The following TP53I13 variants were observed in gnomAD, a reference collection of about 807,000 sequenced individuals.
TP53I13 encodes the protein tumor protein p53 inducible protein 13, also known as tumor protein p53-inducible protein 13.
TP53I13 carries 27 observed loss-of-function variants against 39.1 expected under a neutral mutation model. That is an observed-to-expected ratio of 0.69 (90% CI 0.51 to 0.95). TP53I13 has a LOEUF of 0.95. Ranked by LOEUF, TP53I13 falls within the 40% of genes least tolerant of loss-of-function variation. The pLI is 0.00. For missense variants in TP53I13, 544 were observed against 520.4 expected, an observed-to-expected ratio of 1.05 and a Z score of -0.44; for synonymous variants, 230 against 224.6, an observed-to-expected ratio of 1.02 and a Z score of -0.22.
downstream of TP53I13, chr17:29,575,991 C>T (rs1048877510): frequency 2.1e-5 from 33 of 1,555,900 alleles, no homozygotes; most frequent in East Asian, 7.2e-4. This position sits in a 1 kb window ranked among gnomAD's most constrained non-coding sequence, Gnocchi z 5.5. Flanking sequence ...GTCTAATCAT[C>T]TTAAGCCCCG....
At position 29,573,157 on chromosome 17, in the gene TP53I13, A is replaced by C; in HGVS notation, c.*233A>C. 5.0e-6 allele frequency: 2 copies of C among 398,390 alleles called. No homozygotes were observed. The highest frequency in any genetic ancestry group is 8.8e-6 in the Non-Finnish European group (2 of 226,032). The allele number at this position is 398,390 out of a possible 1,614,324, so 24.7% of individuals were successfully genotyped here. A position where few individuals can be genotyped will look rare whatever the true frequency, so the allele number is the denominator to read the frequency against. ...TTTCTAATTAAATTATTTTTAGTAG[A>C]CTCTGGAGTTGAGCTTGTGCATCTG... On this transcript the variant is annotated 3_prime_UTR_variant, in exon 7 of 7. Coordinates refer to ENST00000301057, the MANE Select transcript of TP53I13 (RefSeq NM_138349.4).
the TP53I13 span, chr17:29,581,278 G>A: frequency 7.6e-7 from 1 of 1,307,608 alleles, no homozygotes; most frequent in South Asian, 1.2e-5. The surrounding 1 kb of genome is among the most constrained non-coding windows in gnomAD (Gnocchi z 4.8). Flanking sequence ...GAGCTCTGGG[G>A]GTCAGCCACC....
chr17:29,575,070 C>A (rs1289549720), downstream of TP53I13: 1 of 1,586,186 alleles, frequency 6.3e-7, no homozygotes, highest in Non-Finnish European at 8.6e-7. The surrounding 1 kb of genome is among the most constrained non-coding windows in gnomAD (Gnocchi z 5.5). Flanking sequence ...CTCTCTTTGG[C>A]CCCTGTACCT....
chr17:29,572,452 A>C lies in TP53I13; in HGVS notation c.824A>C (p.Gln275Pro). Residue 275 changes from glutamine to proline, a missense_variant, in exon 6 of 7, where the codon CAA becomes CCA. By Grantham distance (76) the Gln-to-Pro change is moderately conservative. Coordinates refer to ENST00000301057, the MANE Select transcript of TP53I13 (RefSeq NM_138349.4). ...ACAGAGGCTCAGGTGCCCAACGGGC[A>C]AGGCAGCCCAGGGGGCTGTGTCTGT... ...SRTEAQVPNG[Q>P]GSPGGCVCSS... is the part of the protein sequence containing the mutation. 2 of 1,578,306 alleles carry C rather than the reference A, an allele frequency of 1.3e-6. No homozygotes were observed. The highest frequency in any genetic ancestry group is 1.7e-6 in the Non-Finnish European group (2 of 1,159,534).
intron 3 of TP53I13, 36 bp downstream of exon 3, chr17:29,569,395 C>A: frequency 6.2e-7 from 1 of 1,609,252 alleles, no homozygotes; most frequent in Non-Finnish European, 8.5e-7. Flanking sequence ...CCTTGGTGTC[C>A]ACGCCTGGAG....
At position 29,571,620 on chromosome 17, in the gene TP53I13, C is replaced by A. The variant is rs1197238858; in HGVS notation, c.213C>A (p.Pro71=). ...AGGATGTCACCTTCCTCTACCACCCCTGTGCCCATCCCTGGCTGAAGCTCC... is the reference window on the plus strand; with the variant it reads ...AGGATGTCACCTTCCTCTACCACCCATGTGCCCATCCCTGGCTGAAGCTCC... The part of the protein sequence containing the change: ...QAEDVTFLYH[P]CAHPWLKLQL... The change falls in exon 4 of 7, where the codon CCC becomes CCA. Residue 71 remains proline, a synonymous_variant. Transcript: ENST00000301057. 2 of 1,614,128 alleles carry A rather than the reference C, an allele frequency of 1.2e-6. No homozygotes were observed.
At chr17:29,575,482 GTC>G, downstream of TP53I13, 2 of 1,595,480 alleles carry the variant, frequency 1.3e-6, no homozygotes, top group Non-Finnish European at 1.7e-6. The surrounding 1 kb of genome is among the most constrained non-coding windows in gnomAD (Gnocchi z 5.5). Context: ...TGAGGCCCAG[GTC>G]CAGAAAACAG....
At chr17:29,576,125 C>G (rs1402258592), downstream of TP53I13, 4 of 1,613,704 alleles carry the variant, frequency 2.5e-6, no homozygotes, top group Middle Eastern at 1.6e-4. Context: ...GCGTCGTCCT[C>G]TAGCTCCTGG....
chr17:29,575,916 G>A (rs750544170), downstream of TP53I13: 6 of 1,591,224 alleles, frequency 3.8e-6, no homozygotes, highest in South Asian at 2.2e-5. This position sits in a 1 kb window ranked among gnomAD's most constrained non-coding sequence, Gnocchi z 5.5. Context: ...CCAGGGCAGC[G>A]CTGGATGGAG....
At chr17:29,578,767 G>A in the TP53I13 span, 13 of 1,613,942 alleles carry the variant, frequency 8.1e-6, no homozygotes, top group Admixed American at 6.7e-5. Flanking sequence ...TGGCCAATTC[G>A]GATAAGTCAA....
At position 29,570,504 on chromosome 17, in the gene TP53I13, C is replaced by CA. The variant is rs766480431; in HGVS notation, c.184-1072dup. 906 of 134,188 alleles carry CA rather than the reference C, an allele frequency of 6.8e-3. 1 individual carries two copies. The highest frequency in any genetic ancestry group is 7.5e-3 in the African/African-American group (271 of 36,206). 8.3% of individuals were successfully genotyped at this position (134,188 alleles called of 1,614,324 possible). A position where few individuals can be genotyped will look rare whatever the true frequency, so the allele number is the denominator to read the frequency against. On this transcript the variant is annotated intron_variant, in intron 3 of 6. Transcript: ENST00000301057. Reference sequence around the variant, plus strand: ...GCCTGGCGACAGAGCGAGACTGTCTCAAAAAAAAAAAAAAATTCTCTGTAA... The same window carrying CA: ...GCCTGGCGACAGAGCGAGACTGTCTCAAAAAAAAAAAAAAAATTCTCTGTAA...
the TP53I13 span, among the ~76,000 whole-genome samples, chr17:29,579,577 C>T: frequency 6.6e-6 from 1 of 152,090 alleles, no homozygotes; most frequent in Non-Finnish European, 1.5e-5. Context: ...GATACAAAAG[C>T]AATTTAAAAA....
chr17:29,575,858 G>A, downstream of TP53I13: 1 of 1,612,168 alleles, frequency 6.2e-7, no homozygotes, highest in African/African-American at 1.3e-5. The surrounding 1 kb of genome is among the most constrained non-coding windows in gnomAD (Gnocchi z 5.5). Flanking sequence ...CGGGGAGGAG[G>A]GAGTGAAGGG....
chr17:29,576,266 G>T (rs759160468), downstream of TP53I13: 4 of 1,610,524 alleles, frequency 2.5e-6, no homozygotes, highest in Middle Eastern at 1.7e-4. Flanking sequence ...GTCCCCAGGG[G>T]GGCCCCCAAA....
chr17:29,572,516 T>C lies in TP53I13; in HGVS notation c.888T>C (p.Pro296=). The C allele has an allele frequency of 6.2e-7, 1 of 1,605,828 alleles. No homozygotes were observed. The highest frequency in any genetic ancestry group is 8.5e-7 in the Non-Finnish European group (1 of 1,176,734). Residue 296 remains proline, a synonymous_variant, in exon 6 of 7, where the codon CCT becomes CCC. Coordinates refer to ENST00000301057, the MANE Select transcript of TP53I13 (RefSeq NM_138349.4). The stretch of plus-strand genomic sequence containing the variant: ...CCCCGGCCCCTCGCGCAGCAGCGCC[T>C]CCACGGGCAGCCCGGGGCCCCACCC... ...QASPAPRAAA[P]PRAARGPTPR...
downstream of TP53I13, chr17:29,575,372 G>C: frequency 6.2e-7 from 1 of 1,613,590 alleles, no homozygotes; most frequent in East Asian, 2.2e-5. This position sits in a 1 kb window ranked among gnomAD's most constrained non-coding sequence, Gnocchi z 5.5. Context: ...GACATCCTCT[G>C]TGCTGGGAAG....
chr17:29,577,066 G>A, downstream of TP53I13: 1 of 1,606,224 alleles, frequency 6.2e-7, no homozygotes, highest in Non-Finnish European at 8.5e-7. Context: ...ACCACTGGCA[G>A]GGAGAGCCAT....
chr17:29,579,778 C>T, the TP53I13 span, among the ~76,000 whole-genome samples: 6 of 152,282 alleles, frequency 3.9e-5, no homozygotes, highest in Admixed American at 3.9e-4. Flanking sequence ...ATCCTCTCCT[C>T]CCTGAAAAAT....
downstream of TP53I13, chr17:29,576,699 C>T (rs2033216722): frequency 5.0e-6 from 8 of 1,613,106 alleles, no homozygotes; most frequent in Non-Finnish European, 6.8e-6. Flanking sequence ...CTAAGCTGGT[C>T]AGCACCTGGG....
Sources: gnomAD v4.1 joint callset for allele counts (sites outside exome capture counted in the v4.1 genomes callset) on GRCh38, gnomAD v4.1.1 for gene constraint, Gnocchi (gnomAD v3.1) non-coding constraint, MANE v1.5 for transcripts, NCBI Gene and HGNC (gene_info 2026-07-23, HGNC 2026-07-21) for gene names.